The following STRN variants were observed in gnomAD, a reference collection of about 807,000 sequenced individuals.
STRN encodes striatin.
A neutral mutation model predicts 96.3 loss-of-function variants in STRN; 53 were observed. The ratio of observed to expected loss-of-function variants is 0.55; its 90% CI spans 0.44 to 0.69. The LOEUF (loss-of-function observed/expected upper bound fraction) is 0.69, where lower values mean the gene tolerates loss of function less well. STRN is among the 30% of genes least tolerant of loss of function. STRN has a pLI of 0.00. For synonymous variants in STRN, 428 were observed against 355.9 expected, an observed-to-expected ratio of 1.20 and a Z score of -2.28; for missense variants, 987 against 963.9, an observed-to-expected ratio of 1.02 and a Z score of -0.32.
chr2:36,942,094 G>A (rs1470990117), intron 1 of STRN, among the ~76,000 whole-genome samples: 1 of 152,058 alleles, frequency 6.6e-6, no homozygotes, highest in African/African-American at 2.4e-5. Flanking sequence ...TATGTCTGCT[G>A]GGAATGGGGA....
chr2:36,875,820 C>A (rs1668892001), intron 10 of STRN, among the ~76,000 whole-genome samples: 1 of 152,062 alleles, frequency 6.6e-6, no homozygotes, highest in Admixed American at 6.5e-5. Context: ...CAATGCCCAG[C>A]TAATTTTTTT....
intron 15 of STRN, among the ~76,000 whole-genome samples, chr2:36,853,520 T>C (rs1457527193): frequency 1.3e-5 from 2 of 152,192 alleles, no homozygotes; most frequent in Non-Finnish European, 2.9e-5. Flanking sequence ...CTTCTCCACT[T>C]GATGATAAAT....
chr2:36,886,783 G>T lies in STRN; in HGVS notation c.975C>A (p.Asp325Glu). 2 of 1,612,548 alleles carry T rather than the reference G, an allele frequency of 1.2e-6. No individual in the cohort carries two copies. Among genetic ancestry groups the T allele is most frequent in the African/African-American group, 1.3e-5 (1 of 74,792 alleles). Residue 325 changes from aspartate (D) to glutamate (E), a missense_variant, in exon 8 of 18, where the codon GAC (aspartate) becomes GAA (glutamate). By Grantham distance (45) the Asp-to-Glu change is conservative. Coordinates refer to ENST00000263918, the MANE Select transcript of STRN (RefSeq NM_003162.4). ...CCTTGAGTTTGGTAATTACTCCCTG[G>T]TCCACATTCCAGGCTTCAGGCATGA... ...QCLMPEAWNVDQGVITKLKEQ... is the reference protein window; with the variant it reads ...QCLMPEAWNVEQGVITKLKEQ...
intron 10 of STRN, among the ~76,000 whole-genome samples, chr2:36,871,712 A>C (rs1443385846): frequency 6.6e-6 from 1 of 152,204 alleles, no homozygotes; most frequent in Admixed American, 6.5e-5. Context: ...TTAGTCCTCA[A>C]AATACCTCTA....
Position 36,877,922 on chromosome 2 carries a change from A to T in STRN, c.1292T>A (p.Val431Glu). 6.2e-7 allele frequency: 1 copy of T among 1,614,196 alleles called. No individual in the cohort carries two copies. Among genetic ancestry groups the T allele is most frequent in the Non-Finnish European group, 8.5e-7 (1 of 1,180,018 alleles). The part of the protein sequence containing the change: ...LGLGELAGLT[V>E]ANEADSLTYD... ...AGTTAGTGAGTCTGCTTCATTGGCC[A>T]CCGTAAGGCCTGCTAGTTCTCCAAG... The change falls in exon 10 of 18, where the codon GTG (valine) becomes GAG (glutamate). Residue 431 changes from valine (V) to glutamate (E), a missense_variant. By Grantham distance (121) the Val-to-Glu change is moderately radical. Transcript: ENST00000263918.
chr2:36,932,665 T>G (rs1157248565), intron 1 of STRN, among the ~76,000 whole-genome samples: 3 of 152,178 alleles, frequency 2.0e-5, no homozygotes, highest in Non-Finnish European at 1.5e-5. Context: ...TACAGTGGCA[T>G]GATCATAGTT....
chr2:36,878,101 A>C, intron 9 of STRN, 74 bp from the exon 10 acceptor site: 4 of 1,544,382 alleles, frequency 2.6e-6, no homozygotes, highest in Non-Finnish European at 3.5e-6. Context: ...GCTTGCATCA[A>C]ATTTCTTATA....
At chr2:36,861,847 T>C (rs1668494667) in intron 12 of STRN, among the ~76,000 whole-genome samples, 1 of 152,174 alleles carries the variant, frequency 6.6e-6, no homozygotes, top group African/African-American at 2.4e-5. Flanking sequence ...CTTGGCGGTT[T>C]GCTGTACATA....
intron 1 of STRN, among the ~76,000 whole-genome samples, chr2:36,928,947 CAAA>C (rs57198345): frequency 1.5e-5 from 1 of 68,052 alleles, no homozygotes. Context: ...GACTCCGTCT[CAAA>C]AAAAAAAAAA....
chr2:36,838,576 T>G lies in STRN; in HGVS notation c.*10880A>C, dbSNP rs1294077374. On this transcript the variant is annotated 3_prime_UTR_variant, in exon 18 of 18. Transcript: ENST00000263918. ...TATTTTTTAATGTTACAATAGTTAT[T>G]GCCATGAGTATTAAGGGAAAAGTGT... Among the ~76,000 whole-genome samples, 1 of 152,194 alleles carries G rather than the reference T, an allele frequency of 6.6e-6. No individual in the cohort carries two copies. Among genetic ancestry groups the G allele is most frequent in the Non-Finnish European group, 1.5e-5 (1 of 68,028 alleles).
intron 15 of STRN, among the ~76,000 whole-genome samples, chr2:36,851,394 A>C (rs1319098048): frequency 6.6e-6 from 1 of 152,098 alleles, no homozygotes. Context: ...GAGGCAGGAA[A>C]ATCACTTGAA....
rs185791674 is a variant in STRN at position 36,845,633 on chromosome 2, A to T, written c.*3823T>A. 4 of 152,250 alleles carry T rather than the reference A, an allele frequency of 2.6e-5. No individual in the cohort carries two copies. The East Asian group carries it at 7.7e-4, about 29-fold the overall frequency. The allele number at this position is 152,250 out of a possible 1,614,324, so 9.4% of individuals were successfully genotyped here. On this transcript the variant is annotated 3_prime_UTR_variant, in exon 18 of 18. Coordinates refer to ENST00000263918, the MANE Select transcript of STRN (RefSeq NM_003162.4). ...TTTAAAAAATTACATTTACTTAGCC[A>T]ACATTAATGAGATCCCATAATTTTG...
At chr2:36,917,354 T>C (rs1163186773) in intron 2 of STRN, among the ~76,000 whole-genome samples, 1 of 151,286 alleles carries the variant, frequency 6.6e-6, no homozygotes, top group Non-Finnish European at 1.5e-5. Context: ...AAACCCTGTC[T>C]CTATCAAAAA....
intron 12 of STRN, among the ~76,000 whole-genome samples, chr2:36,865,251 G>C (rs1056492981): frequency 6.6e-6 from 1 of 152,174 alleles, no homozygotes; most frequent in African/African-American, 2.4e-5. Flanking sequence ...ACGTTTTCTA[G>C]TTTGTGTGCA....
At chr2:36,879,675 T>C (rs1354248213) in intron 9 of STRN, among the ~76,000 whole-genome samples, 1 of 152,176 alleles carries the variant, frequency 6.6e-6, no homozygotes, top group Non-Finnish European at 1.5e-5. Context: ...TGACAAACAT[T>C]TGTGAGTCAA....
At chr2:36,869,817 T>A in intron 10 of STRN, 88 bp from the exon 11 acceptor site, 1 of 1,087,220 alleles carries the variant, frequency 9.2e-7, no homozygotes, top group Middle Eastern at 2.2e-4. Flanking sequence ...CTTGCTGATG[T>A]GTCAATAAAC....
At chr2:36,862,422 G>A (rs1434199014) in intron 12 of STRN, among the ~76,000 whole-genome samples, 1 of 152,098 alleles carries the variant, frequency 6.6e-6, no homozygotes, top group East Asian at 1.9e-4. Flanking sequence ...GTTATCTTTT[G>A]ACCTTTTAAT....
chr2:36,919,488 A>C (rs1670192336), intron 2 of STRN, among the ~76,000 whole-genome samples: 1 of 152,176 alleles, frequency 6.6e-6, no homozygotes, highest in African/African-American at 2.4e-5. Context: ...GAAGAAAAAA[A>C]AAACACACAC....
chr2:36,943,733 G>A (rs975315536), intron 1 of STRN, among the ~76,000 whole-genome samples: 24 of 151,876 alleles, frequency 1.6e-4, no homozygotes, highest in African/African-American at 5.1e-4. Context: ...GAACCTGGGA[G>A]GCAGAGGTTG....
Sources: allele counts gnomAD v4.1 joint callset (sites outside exome capture counted in the v4.1 genomes callset), GRCh38; gene constraint gnomAD v4.1.1; transcripts MANE v1.5; gene names NCBI Gene and HGNC (gene_info 2026-07-23, HGNC 2026-07-21).